Variants in BPIFB1 observed in about 807,000 individuals in gnomAD.
BPIFB1 encodes BPI fold-containing family B member 1.
In BPIFB1, 34 loss-of-function variants were observed where a neutral mutation model predicts 55.1. The ratio of observed to expected loss-of-function variants is 0.62; its 90% CI spans 0.47 to 0.82. The LOEUF (loss-of-function observed/expected upper bound fraction) is 0.82. Ranked by LOEUF, BPIFB1 falls within the 40% of genes least tolerant of loss-of-function variation. The pLI is 0.00. For missense variants in BPIFB1, 532 were observed against 593.1 expected (o/e 0.90, Z 1.07); for synonymous variants, 236 against 245.3 (o/e 0.96, Z 0.35).
chr20:33,301,303 C>T lies in BPIFB1; in HGVS notation c.818C>T (p.Pro273Leu). The change falls in exon 9 of 16, where the codon CCC (proline) becomes CTC (leucine). Residue 273 changes from proline to leucine, a missense_variant. Pro to Leu is a moderately conservative substitution (Grantham distance 98). Transcript: ENST00000253354. ...FNNSAASLTM[P>L]TLDNIPFSLI... is the part of the protein sequence containing the mutation. ...AACTCTGCAGCTTCCCTGACAATGCCCACCCTGGACAACATCCCGTTCAGC... is the reference window on the plus strand; with the variant it reads ...AACTCTGCAGCTTCCCTGACAATGCTCACCCTGGACAACATCCCGTTCAGC... 3 of 1,614,194 alleles carry T rather than the reference C, an allele frequency of 1.9e-6. No individual in the cohort carries two copies. Among genetic ancestry groups the T allele is most frequent in the South Asian group, 1.1e-5 (1 of 91,082 alleles).
chr20:33,307,743 G>A (rs1226850917), intron 15 of BPIFB1: 1 of 152,294 alleles, frequency 6.6e-6, no homozygotes, highest in African/African-American at 2.4e-5. Flanking sequence ...GCAAAACCCA[G>A]TCTCTACTAA....
intron 1 of BPIFB1, 53 bp from the exon 2 acceptor site, chr20:33,285,980 T>TCA: frequency 8.3e-7 from 1 of 1,198,216 alleles, no homozygotes; most frequent in Non-Finnish European, 1.2e-6. Context: ...TCACCGGGCA[T>TCA]CATGGGCCTG....
At chr20:33,303,852 C>G in intron 11 of BPIFB1, 106 bp from the exon 12 acceptor site, 1 of 1,154,846 alleles carries the variant, frequency 8.7e-7, no homozygotes. Flanking sequence ...GCCAAGGTCC[C>G]AGAGCCAGGA....
chr20:33,283,546 C>T (rs1015901059), intron 1 of BPIFB1, among the ~76,000 whole-genome samples: 13 of 152,126 alleles, frequency 8.5e-5, no homozygotes, highest in Admixed American at 4.6e-4. Flanking sequence ...AGCTGTGCTG[C>T]GGTGGTGCTG....
At position 33,291,972 on chromosome 20, in the gene BPIFB1, A is replaced by G. The variant is rs773444433; in HGVS notation, c.581A>G (p.Asn194Ser). 15 of 1,614,214 alleles carry G rather than the reference A, an allele frequency of 9.3e-6. 2 individuals are homozygous for G. Among genetic ancestry groups the G allele is most frequent in the East Asian group, 2.2e-5 (1 of 44,886 alleles). Residue 194 changes from asparagine to serine, a missense_variant, in exon 6 of 16, where the codon AAT (asparagine) becomes AGT (serine). Coordinates refer to ENST00000253354, the MANE Select transcript of BPIFB1 (RefSeq NM_033197.3). ...AACCTCCTAGTGCCATCCCTGCCCA[A>G]TCTAGTGAAAAACCAGGTGAGTGGA... ...VMNLLVPSLP[N>S]LVKNQLCPVI...
intron 6 of BPIFB1, among the ~76,000 whole-genome samples, chr20:33,296,554 T>C (rs6119366): frequency 0.042 from 6,355 of 152,268 alleles, 443 homozygotes; most frequent in African/African-American, 0.14. Context: ...GCCTTGGTGG[T>C]ACTGACATTT....
Position 33,289,992 on chromosome 20 carries a change from C to T in BPIFB1, c.365C>T (p.Thr122Met), listed in dbSNP as rs777796475. The change falls in exon 4 of 16, where the codon ACG becomes ATG. Residue 122 changes from threonine (T) to methionine (M), a missense_variant and splice_region_variant. Physicochemically the swap from Thr to Met is moderately conservative, Grantham distance 81. Coordinates refer to ENST00000253354, the MANE Select transcript of BPIFB1 (RefSeq NM_033197.3). ...CTGGACATGGTGGCTGGATTCAACA[C>T]GTGAGTGACCCCTCCATCAAGTACA... is the stretch of plus-strand genomic sequence containing the variant. ...IPLDMVAGFNTPLVKTIVEFH... is the reference protein window; with the variant it reads ...IPLDMVAGFNMPLVKTIVEFH... 3.1e-6 allele frequency: 5 copies of T among 1,611,928 alleles called. No individual in the cohort carries two copies. Among genetic ancestry groups the T allele is most frequent in the East Asian group, 2.2e-5 (1 of 44,876 alleles).
At chr20:33,301,188 T>A (rs769286063) in intron 8 of BPIFB1, 45 bp from the exon 9 acceptor site, 2 of 1,577,772 alleles carry the variant, frequency 1.3e-6, no homozygotes, top group Admixed American at 3.4e-5. Context: ...TTGGGTAAGC[T>A]GCAGAGTTAA....
chr20:33,295,301 A>T (rs1271362027), intron 6 of BPIFB1, among the ~76,000 whole-genome samples: 1 of 151,664 alleles, frequency 6.6e-6, no homozygotes, highest in African/African-American at 2.4e-5. Context: ...ATTCCATAAG[A>T]TGCATGGAAA....
In BPIFB1 at chr20:33,297,413, C is replaced by A. The variant is rs938633435; in HGVS notation, c.598-112C>A. 13 of 1,149,438 alleles carry A rather than the reference C, an allele frequency of 1.1e-5. 2 individuals are homozygous for A. Among genetic ancestry groups the A allele is most frequent in the East Asian group, 2.4e-5 (1 of 42,536 alleles). 71.2% of individuals were successfully genotyped at this position (1,149,438 alleles called of 1,614,324 possible). A position where few individuals can be genotyped will look rare whatever the true frequency, so the allele number is the denominator to read the frequency against. ...CAACCCATGGATGGAACCTGGCTGG[C>A]CATGGGCACAGCAGTAGGACACAGG... On this transcript the variant is annotated intron_variant, in intron 6 of 15. Coordinates refer to ENST00000253354, the MANE Select transcript of BPIFB1 (RefSeq NM_033197.3).
At chr20:33,293,821 T>C (rs568837243) in intron 6 of BPIFB1, among the ~76,000 whole-genome samples, 1 of 152,090 alleles carries the variant, frequency 6.6e-6, no homozygotes, top group Non-Finnish European at 1.5e-5. Flanking sequence ...AGCCTAGGCA[T>C]GACGGCAAGA....
chr20:33,296,854 G>C (rs559227106), intron 6 of BPIFB1, among the ~76,000 whole-genome samples: 1 of 152,350 alleles, frequency 6.6e-6, no homozygotes, highest in African/African-American at 2.4e-5. Flanking sequence ...GCTGGCCTCT[G>C]TTCCAGAGTC....
At chr20:33,288,145 C>T (rs551740951) in intron 2 of BPIFB1, among the ~76,000 whole-genome samples, 1 of 152,258 alleles carries the variant, frequency 6.6e-6, no homozygotes, top group East Asian at 1.9e-4. Flanking sequence ...GCTCCTGGGG[C>T]ATCAGCTCTC....
At chr20:33,302,634 G>A (rs8116109) in intron 10 of BPIFB1, 7,532 of 643,266 alleles carry the variant, frequency 0.012, 67 homozygotes, top group Middle Eastern at 0.022. Context: ...CACAGGACAG[G>A]TTCTAGGGGC....
intron 12 of BPIFB1, 107 bp downstream of exon 12, chr20:33,304,132 T>A (rs1358639659): frequency 6.1e-6 from 6 of 978,226 alleles, no homozygotes; most frequent in Non-Finnish European, 9.4e-6. Flanking sequence ...TGAAGGCGGC[T>A]CCAGGGTAGG....
chr20:33,301,483 G>A (rs904198266), intron 9 of BPIFB1, 71 bp downstream of exon 9: 6 of 1,461,842 alleles, frequency 4.1e-6, no homozygotes, highest in Admixed American at 1.9e-5. Context: ...AACACAGGGT[G>A]CCCCTAAGCA....
At chr20:33,289,382 AAAAAAAAAAAAAC>A (rs1001726023) in intron 3 of BPIFB1, among the ~76,000 whole-genome samples, 10 of 76,436 alleles carry the variant, frequency 1.3e-4, no homozygotes, top group East Asian at 3.6e-4. Flanking sequence ...ATTCTGTCTC[AAAAAAAAAAAAAC>A]AAAAAAAAAA....
rs149776353 is a variant in BPIFB1 at position 33,285,782 on chromosome 20, G to A, written c.-41-251G>A. ...AAGTGCTTACCATGTGAAAGACACC[G>A]TGCTAAATGCTTTCCAGATATTAAC... On this transcript the variant is annotated intron_variant, in intron 1 of 15. Coordinates refer to ENST00000253354, the MANE Select transcript of BPIFB1 (RefSeq NM_033197.3). 8.1e-4 allele frequency among the ~76,000 whole-genome samples: 123 copies of A among 151,914 alleles called. 1 individual carries two copies. The Middle Eastern group carries it at 0.028, about 35-fold the overall frequency.
In BPIFB1 at chr20:33,297,589, G is replaced by T. The variant is rs771183591; in HGVS notation, c.661+1G>T. The T allele has an allele frequency of 1.2e-6, 2 of 1,614,168 alleles. No homozygotes were observed. Among genetic ancestry groups the T allele is most frequent in the Non-Finnish European group, 1.7e-6 (2 of 1,179,988 alleles). On this transcript the variant is annotated splice_donor_variant, in intron 7 of 15. Coordinates refer to ENST00000253354, the MANE Select transcript of BPIFB1 (RefSeq NM_033197.3). LOFTEE classifies it high-confidence loss of function. ...GCAGACCTCCTGCAGCTGGTGAAGG[G>T]TAGGTGCTCTGCTCTCTCTCCCACT...
Sources: gnomAD v4.1 joint callset for allele counts (sites outside exome capture counted in the v4.1 genomes callset) on GRCh38, gnomAD v4.1.1 for gene constraint, MANE v1.5 for transcripts, NCBI Gene and HGNC (gene_info 2026-07-23, HGNC 2026-07-21) for gene names.